Variants in CLNK observed in about 807,000 individuals in gnomAD.
CLNK encodes cytokine dependent hematopoietic cell linker.
A neutral mutation model predicts 68.6 loss-of-function variants in CLNK; 74 were observed. The observed-to-expected ratio is 1.08, with a 90% CI of 0.89 to 1.31. The LOEUF is 1.31. Ranked by LOEUF, CLNK falls within the 50% of genes most tolerant of loss-of-function variation. The pLI is 0.00. For missense variants in CLNK, 553 were observed against 515.3 expected (o/e 1.07, Z -0.71); for synonymous variants, 198 against 172.2 (o/e 1.15, Z -1.17).
At chr4:10,513,017 A>G (rs1383233585) in intron 16 of CLNK, among the ~76,000 whole-genome samples, 1 of 152,176 alleles carries the variant, frequency 6.6e-6, no homozygotes, top group East Asian at 1.9e-4. Flanking sequence ...CATAACCTCT[A>G]GCACATTGTC....
chr4:10,654,365 G>T (rs79621091), intron 2 of CLNK, among the ~76,000 whole-genome samples: 4 of 85,062 alleles, frequency 4.7e-5, no homozygotes, highest in Admixed American at 1.2e-4. Flanking sequence ...TAAATATATA[G>T]ATAAATATAT....
Position 10,652,043 on chromosome 4 carries a change from G to T in CLNK, c.11+15816C>A, listed in dbSNP as rs541148479. Among the ~76,000 whole-genome samples the T allele has an allele frequency of 2.6e-5, 4 of 152,056 alleles. No individual in the cohort carries two copies. The South Asian group carries it at 8.3e-4, about 32-fold the overall frequency. ...CAAAAAATAAAGTTTAGAGATAAAT[G>T]TCAGTAATTTTAGTAACTGTAAATG... On this transcript the variant is annotated intron_variant, in intron 2 of 18. Coordinates refer to ENST00000226951, the MANE Select transcript of CLNK (RefSeq NM_052964.4).
chr4:10,582,064 G>T (rs928104034), intron 4 of CLNK, among the ~76,000 whole-genome samples: 29 of 152,188 alleles, frequency 1.9e-4, no homozygotes, highest in African/African-American at 6.3e-4. Context: ...TATTGTAATT[G>T]AATTTTGAAG....
chr4:10,573,217 G>A (rs1044975823), intron 4 of CLNK, among the ~76,000 whole-genome samples: 1 of 152,154 alleles, frequency 6.6e-6, no homozygotes, highest in Non-Finnish European at 1.5e-5. Context: ...GTATCAGCAT[G>A]CCCAAATCTT....
chr4:10,646,377 C>A (rs1723511603), intron 2 of CLNK, among the ~76,000 whole-genome samples: 1 of 152,154 alleles, frequency 6.6e-6, no homozygotes, highest in South Asian at 2.1e-4. Flanking sequence ...ATCCAGAGAG[C>A]TTTGGCATTT....
In CLNK at chr4:10,523,381, A is replaced by C. The variant is rs200454571; in HGVS notation, c.731+2460T>G. 9.8e-5 allele frequency among the ~76,000 whole-genome samples: 15 copies of C among 152,292 alleles called. No individual in the cohort carries two copies. In the East Asian group the frequency reaches 2.5e-3, roughly 25 times the overall value. On this transcript the variant is annotated intron_variant, in intron 14 of 18. Transcript: ENST00000226951. ...TGGAGCTGAGAGAGGTGATTTGCAGAAGATAGGGATTTGGGAATTATCAAC... is the reference window on the plus strand; with the variant it reads ...TGGAGCTGAGAGAGGTGATTTGCAGCAGATAGGGATTTGGGAATTATCAAC...
At chr4:10,520,042 CT>C (rs57157988) in intron 15 of CLNK, among the ~76,000 whole-genome samples, 144,416 of 148,814 alleles carry the variant, frequency 0.97, 70,086 homozygotes, top group East Asian at 1. Flanking sequence ...CTTAAGCCCC[CT>C]TTTTTTTTTT....
chr4:10,578,577 A>ATTTTTTTTTTTTTTTTTTTT (rs1348346482), intron 4 of CLNK, among the ~76,000 whole-genome samples: 1 of 80,794 alleles, frequency 1.2e-5, no homozygotes, highest in Non-Finnish European at 2.5e-5. Flanking sequence ...GGCTTACCTT[A>ATTTTTTTTTTTTTTTTTTTT]TCTTTTTTTT....
chr4:10,606,560 A>G (rs1721800210), intron 2 of CLNK, among the ~76,000 whole-genome samples: 1 of 152,224 alleles, frequency 6.6e-6, no homozygotes, highest in African/African-American at 2.4e-5. Context: ...ACGTAATTGT[A>G]TGTGATATGC....
chr4:10,588,541 G>A (rs1446826400), intron 3 of CLNK, among the ~76,000 whole-genome samples: 1 of 152,152 alleles, frequency 6.6e-6, no homozygotes, highest in Non-Finnish European at 1.5e-5. Context: ...GTGAGCACCT[G>A]TTTGGGCACT....
intron 17 of CLNK, among the ~76,000 whole-genome samples, chr4:10,501,990 C>A (rs569685708): frequency 6.6e-6 from 1 of 152,308 alleles, no homozygotes; most frequent in East Asian, 1.9e-4. Flanking sequence ...GGGCATAGTG[C>A]TCATGAACTT....
the CLNK span, among the ~76,000 whole-genome samples, chr4:10,714,735 A>G: frequency 6.6e-6 from 1 of 151,352 alleles, no homozygotes; most frequent in African/African-American, 2.4e-5. Context: ...TTATTCTCAT[A>G]TTTATTCCAT....
intron 15 of CLNK, among the ~76,000 whole-genome samples, chr4:10,515,067 G>A (rs1387493559): frequency 2.6e-5 from 4 of 152,052 alleles, no homozygotes; most frequent in Non-Finnish European, 5.9e-5. Flanking sequence ...GTGAAACCCC[G>A]TCTCTACTAA....
At chr4:10,573,353 G>A (rs1720422611) in intron 4 of CLNK, among the ~76,000 whole-genome samples, 1 of 152,096 alleles carries the variant, frequency 6.6e-6, no homozygotes, top group Non-Finnish European at 1.5e-5. Flanking sequence ...TTGAAATAAT[G>A]AGCTGGGAGG....
chr4:10,500,453 G>C (rs1032043547), intron 18 of CLNK, among the ~76,000 whole-genome samples: 9 of 152,194 alleles, frequency 5.9e-5, no homozygotes, highest in Admixed American at 1.3e-4. Context: ...GGCCAAGGCA[G>C]GCAGATCATC....
chr4:10,583,215 T>C (rs1200438467), intron 4 of CLNK, among the ~76,000 whole-genome samples: 1 of 152,220 alleles, frequency 6.6e-6, no homozygotes, highest in Non-Finnish European at 1.5e-5. Context: ...GGTTCATAAG[T>C]ATGCCTAGGC....
intron 4 of CLNK, among the ~76,000 whole-genome samples, chr4:10,582,461 A>G (rs193076041): frequency 1.3e-5 from 2 of 152,280 alleles, no homozygotes; most frequent in East Asian, 3.9e-4. Context: ...ATCTTCATCA[A>G]TGTTTTTATT....
chr4:10,581,927 G>C (rs540150126), intron 4 of CLNK, among the ~76,000 whole-genome samples: 39 of 152,248 alleles, frequency 2.6e-4, no homozygotes, highest in African/African-American at 8.4e-4. Flanking sequence ...GAATGGCCCA[G>C]AACTACTTGA....
At position 10,520,774 on chromosome 4, in the gene CLNK, T is replaced by A. The variant is rs1399553755; in HGVS notation, c.772+17A>T. The A allele has an allele frequency of 6.3e-7, 1 of 1,591,474 alleles. No homozygotes were observed. The highest frequency in any genetic ancestry group is 1.1e-5 in the South Asian group (1 of 88,692). On this transcript the variant is annotated intron_variant, in intron 15 of 18. Transcript: ENST00000226951. Reference sequence around the variant, plus strand: ...GTGACTTACCTGTTTATTTTATAATTCTGAAAGTGCTCTTACCTCTGTTTT... The same window carrying A: ...GTGACTTACCTGTTTATTTTATAATACTGAAAGTGCTCTTACCTCTGTTTT...
Sources: gnomAD v4.1 joint callset for allele counts (sites outside exome capture counted in the v4.1 genomes callset) on GRCh38, gnomAD v4.1.1 for gene constraint, MANE v1.5 for transcripts, NCBI Gene and HGNC (gene_info 2026-07-23, HGNC 2026-07-21) for gene names.